Variants in FAM180B observed in about 807,000 individuals in gnomAD.
FAM180B encodes the protein protein FAM180B.
A neutral mutation model predicts 13.6 loss-of-function variants in FAM180B; 14 were observed. The observed-to-expected ratio is 1.03, with a 90% CI of 0.68 to 1.60. The LOEUF is 1.60. Ranked by LOEUF, FAM180B falls within the 40% of genes most tolerant of loss-of-function variation. FAM180B has a pLI of 0.00. For synonymous variants in FAM180B, 109 were observed against 97.0 expected (o/e 1.12, Z -0.72); for missense variants, 212 against 230.4 (o/e 0.92, Z 0.52).
chr11:47,586,656 T>A, upstream of FAM180B: 1 of 788,186 alleles, frequency 1.3e-6, no homozygotes, highest in Non-Finnish European at 2.2e-6. Flanking sequence ...ATGACACGCA[T>A]TACAGAGCTC....
At chr11:47,587,852 G>T (rs1223101844) in intron 2 of FAM180B, 31 bp downstream of exon 2, 4 of 1,509,048 alleles carry the variant, frequency 2.7e-6, no homozygotes, top group Non-Finnish European at 3.5e-6. Flanking sequence ...ACATGGGGGT[G>T]GGCACGTCCA....
Sources: gnomAD v4.1 joint callset for allele counts on GRCh38, gnomAD v4.1.1 for gene constraint, MANE v1.5 for transcripts, NCBI Gene and HGNC (gene_info 2026-07-23, HGNC 2026-07-21) for gene names.